DNAH5: variants seen among roughly 807,000 people sequenced by gnomAD.
DNAH5 encodes the protein dynein axonemal heavy chain 5, also known as axonemal beta dynein heavy chain 5.
In DNAH5, 372 loss-of-function variants were observed where a neutral mutation model predicts 518.2. That is an observed-to-expected ratio of 0.72 (90% CI 0.66 to 0.78). The LOEUF (loss-of-function observed/expected upper bound fraction) is 0.78. Among genes scored for constraint, DNAH5 ranks in the 30% least tolerant of loss-of-function variants. The pLI, the probability that DNAH5 is intolerant of heterozygous loss-of-function variation, is 0.00. For synonymous variants in DNAH5, 2,039 were observed against 2,025.9 expected, an observed-to-expected ratio of 1.01 and a Z score of -0.17; for missense variants, 5,523 against 5,687.0, an observed-to-expected ratio of 0.97 and a Z score of 0.93.
At position 13,850,694 on chromosome 5, in the gene DNAH5, T is replaced by C; in HGVS notation, c.5072A>G (p.His1691Arg). The change falls in exon 31 of 79, where the codon CAC becomes CGC. Residue 1691 changes from histidine to arginine, a missense_variant. Coordinates refer to ENST00000265104, the MANE Select transcript of DNAH5 (RefSeq NM_001369.3). ...GDETLGQLLP[H>R]LLDQLEICQK... ...GCATATTTCCAACTGGTCCAGCAAG[T>C]GTGGTAACAGCTGCCCCAGGGTCTC... 6.2e-7 allele frequency: 1 copy of C among 1,614,104 alleles called. No individual in the cohort carries two copies. Among genetic ancestry groups the C allele is most frequent in the Non-Finnish European group, 8.5e-7 (1 of 1,179,986 alleles).
intron 50 of DNAH5, 146 bp downstream of exon 50, chr5:13,791,848 T>C (rs931597072): frequency 1.1e-5 from 7 of 642,254 alleles, no homozygotes; most frequent in Admixed American, 2.8e-5. Context: ...TATTTCATTA[T>C]GTTAGTTTAA....
rs745934246 is a variant in DNAH5, at chr5:13,991,980, G to A, written c.12+19668C>T. On this transcript the variant is annotated intron_variant, in intron 1 of 78. Transcript: ENST00000681290. ...CTCCAGTACACGAAGCAGAATGAAC[G>A]GACTTTTAAACAGTAATCTTCAGAT... Among the ~76,000 whole-genome samples the A allele has an allele frequency of 2.6e-5, 4 of 152,072 alleles. No individual in the cohort carries two copies. The South Asian group carries it at 8.3e-4, about 32-fold the overall frequency.
rs541473074 is a variant in DNAH5 at position 13,861,995 on chromosome 5, A to G, written c.4796+553T>C. ...AAAAAAACAAGTTCAAATGTACCCC[A>G]TAAATTTGTACAAATATAAAAAATA... On this transcript the variant is annotated intron_variant, in intron 29 of 78. Transcript: ENST00000265104. Among the ~76,000 whole-genome samples the G allele has an allele frequency of 3.6e-4, 54 of 149,876 alleles. 1 individual carries two copies. Among genetic ancestry groups the G allele is most frequent in the African/African-American group, 1.1e-3 (46 of 41,126 alleles).
chr5:13,995,239 T>C (rs937158786), intron 1 of DNAH5, among the ~76,000 whole-genome samples: 4 of 152,210 alleles, frequency 2.6e-5, no homozygotes, highest in Admixed American at 6.5e-5. Context: ...CATTGCCACA[T>C]ACAGTGCACC....
intron 34 of DNAH5, among the ~76,000 whole-genome samples, chr5:13,839,996 G>A (rs964582685): frequency 1.3e-5 from 2 of 152,084 alleles, no homozygotes; most frequent in African/African-American, 2.4e-5. Context: ...GAATTACATC[G>A]GGCCAAAATT....
chr5:13,988,969 C>T (rs1376622382), intron 1 of DNAH5, among the ~76,000 whole-genome samples: 6 of 152,110 alleles, frequency 3.9e-5, no homozygotes, highest in Non-Finnish European at 5.9e-5. Context: ...CCTTGTGATT[C>T]GCCCACCTCG....
At chr5:13,876,450 A>G (rs1770898578) in intron 22 of DNAH5, among the ~76,000 whole-genome samples, 1 of 152,254 alleles carries the variant, frequency 6.6e-6, no homozygotes, top group Non-Finnish European at 1.5e-5. Context: ...AAAAGAATAT[A>G]TTAAAAGCAT....
chr5:13,729,497 G>A lies in DNAH5; in HGVS notation c.11825C>T (p.Thr3942Ile). 6.2e-7 allele frequency: 1 copy of A among 1,613,954 alleles called. No individual in the cohort carries two copies. The highest frequency in any genetic ancestry group is 8.5e-7 in the Non-Finnish European group (1 of 1,179,870). ...PKPSKWILDI[T>I]WLNLVELSKL... Reference sequence around the variant, plus strand: ...GCTAAGTTCCACCAAATTCAGCCATGTTATGTCCAGGATCCATTTTGATGG... The same window carrying A: ...GCTAAGTTCCACCAAATTCAGCCATATTATGTCCAGGATCCATTTTGATGG... The change falls in exon 69 of 79, where the codon ACA (threonine) becomes ATA (isoleucine). Residue 3942 changes from threonine (T) to isoleucine (I), a missense_variant. By Grantham distance (89) the Thr-to-Ile change is moderately conservative. Transcript: ENST00000265104.
At chr5:13,933,415 A>G (rs1178923143) in intron 1 of DNAH5, among the ~76,000 whole-genome samples, 2 of 152,212 alleles carry the variant, frequency 1.3e-5, no homozygotes, top group Non-Finnish European at 2.9e-5. Flanking sequence ...ACATATTGAA[A>G]TGAAAACACA....
intron 35 of DNAH5, among the ~76,000 whole-genome samples, chr5:13,832,153 G>GAA (rs111572803): frequency 6.7e-6 from 1 of 149,986 alleles, no homozygotes; most frequent in African/African-American, 2.4e-5. Flanking sequence ...ATTAAAAACT[G>GAA]AAAAAAAAAG....
chr5:13,800,023 T>G (rs1457195830), intron 47 of DNAH5, among the ~76,000 whole-genome samples: 1 of 152,210 alleles, frequency 6.6e-6, no homozygotes, highest in Admixed American at 6.5e-5. Flanking sequence ...TGGACATGCT[T>G]GCATGGGGGA....
At chr5:13,828,408 A>G (rs564646793) in intron 38 of DNAH5, among the ~76,000 whole-genome samples, 2 of 152,308 alleles carry the variant, frequency 1.3e-5, no homozygotes, top group South Asian at 4.1e-4. Flanking sequence ...AGTAATTTTT[A>G]CTGATATGTA....
chr5:13,959,630 T>C (rs1781017358), intron 1 of DNAH5, among the ~76,000 whole-genome samples: 1 of 152,178 alleles, frequency 6.6e-6, no homozygotes, highest in Non-Finnish European at 1.5e-5. Context: ...TCCCTCTTCA[T>C]TCCTTACCCC....
chr5:13,943,209 T>A (rs1048814014), intron 1 of DNAH5, among the ~76,000 whole-genome samples: 1 of 152,226 alleles, frequency 6.6e-6, no homozygotes, highest in Admixed American at 6.5e-5. Flanking sequence ...AATGTTTAAT[T>A]CATTCAACTT....
rs183269971 is a variant in DNAH5 at position 13,989,399 on chromosome 5, G to A, written c.12+22249C>T. Among the ~76,000 whole-genome samples, 363 of 150,928 alleles carry A rather than the reference G, an allele frequency of 2.4e-3. 1 individual carries two copies. The highest frequency in any genetic ancestry group is 8.1e-3 in the African/African-American group (332 of 41,216). ...TGTTGTAAAATGAAAAAAAAAATCCGGTCCCAAAAAAGTATGATCCAATTT... is the reference window on the plus strand; with the variant it reads ...TGTTGTAAAATGAAAAAAAAAATCCAGTCCCAAAAAAGTATGATCCAATTT... On this transcript the variant is annotated intron_variant, in intron 1 of 78. Transcript: ENST00000681290.
intron 73 of DNAH5, 103 bp downstream of exon 73, chr5:13,717,212 G>T: frequency 9.0e-7 from 1 of 1,111,276 alleles, no homozygotes; most frequent in Non-Finnish European, 1.3e-6. Flanking sequence ...TGCAAGCACA[G>T]CAAATTCTCT....
rs368465529 is a variant in DNAH5 at position 13,780,964 on chromosome 5, A to G, written c.8821-5T>C. The G allele has an allele frequency of 1.2e-6, 2 of 1,613,342 alleles. No homozygotes were observed. Among genetic ancestry groups the G allele is most frequent in the African/African-American group, 2.7e-5 (2 of 74,898 alleles). On this transcript the variant is annotated splice_region_variant and splice_polypyrimidine_tract_variant and intron_variant, in intron 52 of 78. Transcript: ENST00000265104. ...AGTACGAATGACACGAGAGATCTGT[A>G]ATATGGAACAGAAAAAGTATGTATC...
intron 70 of DNAH5, among the ~76,000 whole-genome samples, chr5:13,723,781 C>T (rs1745367594): frequency 6.6e-6 from 1 of 152,094 alleles, no homozygotes; most frequent in Non-Finnish European, 1.5e-5. Flanking sequence ...CTTAAGTCAC[C>T]AGCTGAGCAT....
rs768364281 is a variant in DNAH5 at position 13,810,184 on chromosome 5, G to A, written c.7484C>T (p.Ala2495Val). The A allele has an allele frequency of 3.0e-5, 46 of 1,548,846 alleles. No individual in the cohort carries two copies. In the South Asian group the frequency reaches 3.7e-4, roughly 12 times the overall value. Residue 2495 changes from alanine (A) to valine (V), a missense_variant, in exon 45 of 79, where the codon GCG (alanine) becomes GTG (valine). By Grantham distance (64) the Ala-to-Val change is moderately conservative (BLOSUM62 0). Around this residue, in one of 3 missense-constraint regions of DNAH5, gnomAD observed 5,121 missense variants for 5,223.3 expected, o/e 0.98. Transcript: ENST00000265104. ...GCGGCGCCGTCCGTCCAGCTCCAGC[G>A]CCGCCCCCGCGCTCCACAGCAGCGC... ...VFALLWSAGA[A>V]LELDGRRRLE...
Sources: gnomAD v4.1 joint callset for allele counts (sites outside exome capture counted in the v4.1 genomes callset) on GRCh38, gnomAD v4.1.1 for gene constraint, gnomAD v4.1.1 regional missense constraint, MANE v1.5 for transcripts, NCBI Gene and HGNC (gene_info 2026-07-23, HGNC 2026-07-21) for gene names.